The following ITGB5 variants were observed in gnomAD, a reference collection of about 807,000 sequenced individuals.
The protein encoded by ITGB5 is integrin beta-5.
ITGB5 carries 38 observed loss-of-function variants against 84.8 expected under a neutral mutation model. That is an observed-to-expected ratio of 0.45 (90% CI 0.35 to 0.59). The LOEUF is 0.59. ITGB5 is among the 20% of genes least tolerant of loss of function. The pLI, the probability that ITGB5 is intolerant of heterozygous loss-of-function variation, is 0.01. For missense variants in ITGB5, 905 were observed against 1,034.5 expected (o/e 0.87, Z 1.72); for synonymous variants, 393 against 414.4 (o/e 0.95, Z 0.63).
intron 13 of ITGB5, among the ~76,000 whole-genome samples, chr3:124,765,504 G>A (rs1025008063): frequency 3.9e-5 from 6 of 152,186 alleles, no homozygotes; most frequent in African/African-American, 1.4e-4. Flanking sequence ...TAGATGCCCT[G>A]CACCCTCCCT....
At chr3:124,870,227 T>C (rs1490386044) in intron 2 of ITGB5, among the ~76,000 whole-genome samples, 2 of 152,184 alleles carry the variant, frequency 1.3e-5, no homozygotes, top group Non-Finnish European at 2.9e-5. Flanking sequence ...CTCAAGGAGA[T>C]GATGATTTAG....
intron 1 of ITGB5, among the ~76,000 whole-genome samples, chr3:124,874,758 G>T (rs757405441): frequency 6.6e-6 from 1 of 152,204 alleles, no homozygotes; most frequent in Non-Finnish European, 1.5e-5. Flanking sequence ...ATGGGGAAAG[G>T]CCAGTCTGTT....
chr3:124,798,413 A>G (rs1242128281), intron 9 of ITGB5, among the ~76,000 whole-genome samples: 1 of 151,190 alleles, frequency 6.6e-6, no homozygotes, highest in Non-Finnish European at 1.5e-5. Context: ...TCAGGTAACA[A>G]TGTTTTTGTT....
chr3:124,835,625 AG>A, intron 5 of ITGB5, among the ~76,000 whole-genome samples: 1 of 152,368 alleles, frequency 6.6e-6, no homozygotes, highest in African/African-American at 2.4e-5. Context: ...GCTGGGAAGC[AG>A]AACATGTGGC....
rs750712591 is a variant in ITGB5 at position 124,861,495 on chromosome 3, T to TATATATAC, written c.157-2050_157-2049insGTATATAT. Among the ~76,000 whole-genome samples the TATATATAC allele has an allele frequency of 4.2e-3, 465 of 111,986 alleles. 1 individual carries two copies. Among genetic ancestry groups the TATATATAC allele is most frequent in the African/African-American group, 6.6e-3 (175 of 26,546 alleles). 73.5% of individuals were successfully genotyped at this position (111,986 alleles called of 152,430 possible). A position where few individuals can be genotyped will look rare whatever the true frequency, so the allele number is the denominator to read the frequency against. On this transcript the variant is annotated intron_variant, in intron 2 of 14. Transcript: ENST00000296181. ...ACAAAACAAAACATATATATATATATACACACACACACACACACACACACA... is the reference window on the plus strand; with the variant it reads ...ACAAAACAAAACATATATATATATATATATATACACACACACACACACACACACACACA...
At chr3:124,770,251 T>A (rs2063822846) in intron 11 of ITGB5, 1 of 152,334 alleles carries the variant, frequency 6.6e-6, no homozygotes, top group African/African-American at 2.4e-5. Context: ...TGTGATGCAG[T>A]GCTGCCTGGT....
chr3:124,859,204 G>C (rs776232715), intron 3 of ITGB5, 38 bp downstream of exon 3: 27 of 1,593,684 alleles, frequency 1.7e-5, no homozygotes, highest in East Asian at 2.2e-5. Context: ...GGGCCTTCCT[G>C]ATCCCAGAGC....
chr3:124,876,472 CA>C (rs529965181), intron 1 of ITGB5, among the ~76,000 whole-genome samples: 3 of 151,990 alleles, frequency 2.0e-5, no homozygotes, highest in Non-Finnish European at 4.4e-5. Flanking sequence ...TCGCAAACGG[CA>C]AAACTGCTGA....
rs183874387 is a variant in ITGB5 at position 124,855,912 on chromosome 3, C to A, written c.361+3330G>T. On this transcript the variant is annotated intron_variant, in intron 3 of 14. Transcript: ENST00000296181. ...ATATATTGAGTTTTATGCATAAATA[C>A]GGATTGTATGCAAACCTGCCGTTAC... Among the ~76,000 whole-genome samples the A allele has an allele frequency of 4.1e-3, 629 of 152,144 alleles. 12 individuals are homozygous for A. Among genetic ancestry groups the A allele is most frequent in the Non-Finnish European group, 1.4e-3 (95 of 68,010 alleles).
intron 11 of ITGB5, among the ~76,000 whole-genome samples, chr3:124,770,931 G>C (rs902619843): frequency 7.3e-6 from 1 of 136,510 alleles, no homozygotes; most frequent in African/African-American, 2.7e-5. Flanking sequence ...TCCCAGATTA[G>C]CACAGGGCTA....
At chr3:124,825,451 G>A (rs1446097299) in intron 5 of ITGB5, among the ~76,000 whole-genome samples, 1 of 152,076 alleles carries the variant, frequency 6.6e-6, no homozygotes, top group East Asian at 1.9e-4. Flanking sequence ...CAACCCAAAT[G>A]TCCATCAGTA....
intron 10 of ITGB5, among the ~76,000 whole-genome samples, chr3:124,781,762 CCA>C (rs2064009279): frequency 6.6e-6 from 1 of 152,166 alleles, no homozygotes; most frequent in South Asian, 2.1e-4. Context: ...TTGCTTAAAA[CCA>C]CCCCTAGAAC....
At chr3:124,784,588 C>T (rs2064053826) in intron 10 of ITGB5, among the ~76,000 whole-genome samples, 1 of 152,224 alleles carries the variant, frequency 6.6e-6, no homozygotes, top group African/African-American at 2.4e-5. Context: ...TGGACAAATC[C>T]TGTGTTCTTT....
intron 11 of ITGB5, among the ~76,000 whole-genome samples, chr3:124,772,307 C>T (rs2063857798): frequency 6.6e-6 from 1 of 152,228 alleles, no homozygotes; most frequent in East Asian, 1.9e-4. Flanking sequence ...CCCTGTCTAT[C>T]TTGTCTCTCC....
At chr3:124,796,844 C>T (rs1217454679) in intron 9 of ITGB5, 27 bp from the exon 10 acceptor site, 2 of 1,563,902 alleles carry the variant, frequency 1.3e-6, no homozygotes, top group Non-Finnish European at 1.7e-6. Context: ...GAAGGGATAT[C>T]ATGGCTGCGG....
Position 124,763,769 on chromosome 3 carries a change from T to A in ITGB5, c.2305-51A>T, listed in dbSNP as rs553596150. 17 of 1,088,702 alleles carry A rather than the reference T, an allele frequency of 1.6e-5. No individual in the cohort carries two copies. In the South Asian group the frequency reaches 2.1e-4, roughly 13 times the overall value. 67.4% of individuals were successfully genotyped at this position (1,088,702 alleles called of 1,614,324 possible). On this transcript the variant is annotated intron_variant, in intron 14 of 14. Coordinates refer to ENST00000296181, the MANE Select transcript of ITGB5 (RefSeq NM_002213.5). ...TGAGGACACATGTTAGCTCACACAC[T>A]CAAACCGACAGACGCAGGCCCTAGG...
intron 10 of ITGB5, among the ~76,000 whole-genome samples, chr3:124,777,850 A>C (rs1182627632): frequency 6.6e-6 from 1 of 152,210 alleles, no homozygotes; most frequent in Non-Finnish European, 1.5e-5. Context: ...CAGCTCCTGC[A>C]GTTGAGCCTC....
rs372391173 is a variant in ITGB5 at position 124,824,446 on chromosome 3, G to A, written c.781-2972C>T. Among the ~76,000 whole-genome samples the A allele has an allele frequency of 1.6e-3, 238 of 152,286 alleles. 1 individual carries two copies. The highest frequency in any genetic ancestry group is 5.2e-3 in the African/African-American group (217 of 41,562). ...CTATAAAACTTCTGAAGGAAACCTA[G>A]GAGAAAATCTTTGTGACTGTGACAT... On this transcript the variant is annotated intron_variant, in intron 5 of 14. Coordinates refer to ENST00000296181, the MANE Select transcript of ITGB5 (RefSeq NM_002213.5).
chr3:124,889,058 T>C (rs1339098814), upstream of ITGB5, among the ~76,000 whole-genome samples: 1 of 152,206 alleles, frequency 6.6e-6, no homozygotes, highest in Non-Finnish European at 1.5e-5. Flanking sequence ...CTGGGAACCG[T>C]GTCAGGCAAA....
Sources: gnomAD v4.1 joint callset for allele counts (sites outside exome capture counted in the v4.1 genomes callset) on GRCh38, gnomAD v4.1.1 for gene constraint, MANE v1.5 for transcripts, NCBI Gene and HGNC (gene_info 2026-07-23, HGNC 2026-07-21) for gene names.